The following SEMA3A variants were observed in gnomAD, a reference collection of about 807,000 sequenced individuals.
The protein encoded by SEMA3A is semaphorin-3A.
SEMA3A carries 29 observed loss-of-function variants against 97.9 expected under a neutral mutation model. The observed-to-expected ratio is 0.30, with a 90% CI of 0.22 to 0.40. The LOEUF (loss-of-function observed/expected upper bound fraction) is 0.40. Ranked by LOEUF, SEMA3A falls within the 10% of genes least tolerant of loss-of-function variation. The pLI is 1.00. For missense variants in SEMA3A, 763 were observed against 951.3 expected, an observed-to-expected ratio of 0.80 and a Z score of 2.60; for synonymous variants, 321 against 323.7, an observed-to-expected ratio of 0.99 and a Z score of 0.09.
intron 1 of SEMA3A, among the ~76,000 whole-genome samples, chr7:84,434,053 C>G (rs938226719): frequency 1.3e-5 from 2 of 152,118 alleles, no homozygotes; most frequent in South Asian, 2.1e-4. Context: ...GTTTCTTTTG[C>G]TGTGCAGAAG....
chr7:84,455,720 G>C (rs1303560106), intron 1 of SEMA3A, among the ~76,000 whole-genome samples: 2 of 151,900 alleles, frequency 1.3e-5, no homozygotes, highest in Non-Finnish European at 2.9e-5. Flanking sequence ...AGAACGAAGT[G>C]ATAAGAATTT....
intron 1 of SEMA3A, among the ~76,000 whole-genome samples, chr7:84,141,061 T>G (rs1436120524): frequency 6.6e-6 from 1 of 152,188 alleles, no homozygotes; most frequent in Non-Finnish European, 1.5e-5. Flanking sequence ...CACAGACTGA[T>G]GTTTGGCAAG....
chr7:84,399,838 G>A (rs539206035), intron 1 of SEMA3A, among the ~76,000 whole-genome samples: 1 of 152,180 alleles, frequency 6.6e-6, no homozygotes, highest in South Asian at 2.1e-4. Flanking sequence ...GGAGACTCTG[G>A]GCTTCACGTA....
At chr7:84,288,550 T>C (rs1472495582) in intron 3 of SEMA3A, among the ~76,000 whole-genome samples, 1 of 151,970 alleles carries the variant, frequency 6.6e-6, no homozygotes, top group African/African-American at 2.4e-5. Flanking sequence ...ACACAGAAAT[T>C]AGCCAGACCT....
At chr7:84,006,477 C>T (rs1476119386) in intron 10 of SEMA3A, among the ~76,000 whole-genome samples, 1 of 151,698 alleles carries the variant, frequency 6.6e-6, no homozygotes, top group Non-Finnish European at 1.5e-5. Flanking sequence ...GAGATAATGG[C>T]CCCAGCAGCC....
chr7:84,448,134 C>T (rs535608701), intron 1 of SEMA3A, among the ~76,000 whole-genome samples: 1 of 152,308 alleles, frequency 6.6e-6, no homozygotes, highest in East Asian at 1.9e-4. Flanking sequence ...TGGGCCAGTA[C>T]TGTGAGCCGT....
chr7:84,373,677 T>C lies in SEMA3A; in HGVS notation c.-245-1777A>G, dbSNP rs1803029915. ...AGAATTGCAATAATACAACCAAGGA[T>C]ATAAGCCCAAATGTGCTACATATAT... On this transcript the variant is annotated intron_variant, in intron 1 of 3. Transcript: ENST00000424555. Among the ~76,000 whole-genome samples the C allele has an allele frequency of 2.0e-5, 3 of 152,196 alleles. No individual in the cohort carries two copies. In the South Asian group the frequency reaches 6.2e-4, roughly 31 times the overall value.
At chr7:84,291,432 C>T (rs1253552215) in intron 3 of SEMA3A, among the ~76,000 whole-genome samples, 1 of 151,972 alleles carries the variant, frequency 6.6e-6, no homozygotes, top group Middle Eastern at 3.2e-3. Flanking sequence ...ATCTTACATT[C>T]AATTTTTATT....
intron 2 of SEMA3A, among the ~76,000 whole-genome samples, chr7:84,323,803 T>A (rs1244818112): frequency 1.3e-5 from 2 of 152,212 alleles, no homozygotes; most frequent in Non-Finnish European, 1.5e-5. Context: ...TATTTTTTAA[T>A]TTAGAATTTA....
At chr7:84,079,579 G>A (rs1794077762) in intron 4 of SEMA3A, among the ~76,000 whole-genome samples, 1 of 151,944 alleles carries the variant, frequency 6.6e-6, no homozygotes, top group African/African-American at 2.4e-5. Flanking sequence ...AGACATTTAG[G>A]CAGCCAACAG....
intron 4 of SEMA3A, among the ~76,000 whole-genome samples, chr7:84,066,264 C>T (rs1044138357): frequency 2.6e-5 from 4 of 152,098 alleles, no homozygotes; most frequent in Non-Finnish European, 4.4e-5. Flanking sequence ...ATTGATGGGA[C>T]GTATTTCAAA....
chr7:84,020,212 T>C (rs185966230), intron 6 of SEMA3A, among the ~76,000 whole-genome samples: 2 of 151,602 alleles, frequency 1.3e-5, no homozygotes, highest in Admixed American at 1.3e-4. Flanking sequence ...ACCTAGCTGA[T>C]TGTTGTATTT....
intron 2 of SEMA3A, among the ~76,000 whole-genome samples, chr7:84,360,736 C>A (rs1363343567): frequency 6.6e-6 from 1 of 151,904 alleles, no homozygotes; most frequent in Non-Finnish European, 1.5e-5. Flanking sequence ...ATAGAGTAAA[C>A]CATACATTTT....
At chr7:84,468,310 A>G (rs1045174934) in intron 1 of SEMA3A, among the ~76,000 whole-genome samples, 1 of 152,164 alleles carries the variant, frequency 6.6e-6, no homozygotes, top group African/African-American at 2.4e-5. Flanking sequence ...CCTAAGACCT[A>G]GCAGATGTGA....
At chr7:84,276,458 C>A (rs902369838) in intron 3 of SEMA3A, among the ~76,000 whole-genome samples, 6 of 151,908 alleles carry the variant, frequency 3.9e-5, no homozygotes, top group African/African-American at 1.4e-4. Context: ...TTAATTAAGT[C>A]TTTGATGGCA....
At chr7:84,199,553 ATC>A (rs1798306686), upstream of SEMA3A, among the ~76,000 whole-genome samples, 1 of 151,150 alleles carries the variant, frequency 6.6e-6, no homozygotes, top group Middle Eastern at 3.2e-3. Flanking sequence ...CTCAATCAAC[ATC>A]TGTTATTTCC....
intron 1 of SEMA3A, among the ~76,000 whole-genome samples, chr7:84,146,365 C>T (rs528104096): frequency 1.3e-5 from 2 of 152,154 alleles, no homozygotes; most frequent in Non-Finnish European, 2.9e-5. Context: ...TTAACAGTTG[C>T]AGAGGTCAGA....
intron 3 of SEMA3A, among the ~76,000 whole-genome samples, chr7:84,204,910 C>G (rs192979192): frequency 6.6e-6 from 1 of 152,320 alleles, no homozygotes; most frequent in African/African-American, 2.4e-5. Context: ...TGGTGACTCA[C>G]TTGGCCAGAT....
chr7:84,060,006 G>A (rs565883418), intron 5 of SEMA3A, among the ~76,000 whole-genome samples: 25 of 152,208 alleles, frequency 1.6e-4, no homozygotes, highest in African/African-American at 6.0e-4. Flanking sequence ...ATGAAAAGAG[G>A]AGAAAGCTAG....
Sources: allele counts gnomAD v4.1 joint callset (sites outside exome capture counted in the v4.1 genomes callset), GRCh38; gene constraint gnomAD v4.1.1; transcripts MANE v1.5; gene names NCBI Gene and HGNC (gene_info 2026-07-23, HGNC 2026-07-21).